The following NRG3 variants were observed in gnomAD, a reference collection of about 807,000 sequenced individuals.
The protein encoded by NRG3 is pro-neuregulin-3, membrane-bound isoform.
In NRG3, 31 loss-of-function variants were observed where a neutral mutation model predicts 66.9. The observed-to-expected ratio is 0.46, with a 90% CI of 0.35 to 0.63. NRG3 has a LOEUF of 0.63. NRG3 is among the 20% of genes least tolerant of loss of function. The probability of loss-of-function intolerance (pLI) is 0.00; values close to 1 mark genes in which losing one functional copy is unlikely to be tolerated. For missense variants in NRG3, 910 were observed against 878.9 expected, an observed-to-expected ratio of 1.04 and a Z score of -0.45; for synonymous variants, 393 against 359.4, an observed-to-expected ratio of 1.09 and a Z score of -1.06.
At chr10:82,530,429 T>C (rs927009617) in intron 2 of NRG3, among the ~76,000 whole-genome samples, 11 of 152,046 alleles carry the variant, frequency 7.2e-5, no homozygotes, top group Admixed American at 4.6e-4. Context: ...ATATATATTT[T>C]AGCCTGGTGG....
At chr10:82,308,731 C>A (rs1020150518) in intron 1 of NRG3, among the ~76,000 whole-genome samples, 3 of 152,078 alleles carry the variant, frequency 2.0e-5, no homozygotes, top group Non-Finnish European at 4.4e-5. Flanking sequence ...TCCACTTGCT[C>A]TGATTTTCTC....
At chr10:82,717,931 G>A (rs966932134) in intron 2 of NRG3, among the ~76,000 whole-genome samples, 1 of 150,908 alleles carries the variant, frequency 6.6e-6, no homozygotes, top group Non-Finnish European at 1.5e-5. Flanking sequence ...CACAAAACAA[G>A]CCCAAACTCA....
intron 2 of NRG3, among the ~76,000 whole-genome samples, chr10:82,481,665 A>G (rs1424765097): frequency 3.3e-5 from 5 of 152,232 alleles, no homozygotes; most frequent in Non-Finnish European, 7.3e-5. Context: ...TACTGTATGT[A>G]GTTGAAATTA....
chr10:82,544,056 G>A (rs1370068350), intron 2 of NRG3, among the ~76,000 whole-genome samples: 2 of 152,178 alleles, frequency 1.3e-5, no homozygotes, highest in African/African-American at 4.8e-5. Context: ...GACTATTTAA[G>A]AGACTCAGAG....
chr10:82,960,891 A>G (rs1195401386), intron 6 of NRG3, among the ~76,000 whole-genome samples: 3 of 151,770 alleles, frequency 2.0e-5, no homozygotes, highest in African/African-American at 7.3e-5. Flanking sequence ...CCCCACCCCT[A>G]TCTCCCTTCA....
At position 82,612,727 on chromosome 10, in the gene NRG3, T is replaced by C. The variant is rs564512790; in HGVS notation, c.954-125850T>C. Among the ~76,000 whole-genome samples, 157 of 152,326 alleles carry C rather than the reference T, an allele frequency of 1.0e-3. 3 individuals carry two copies. Among genetic ancestry groups the C allele is most frequent in the Middle Eastern group, 3.4e-3 (1 of 294 alleles). On this transcript the variant is annotated intron_variant, in intron 2 of 8. Transcript: ENST00000372141. ...CTTTAAACTTTCTTCTTAGATTTGC[T>C]ACAAGATTTTTACACTGTCATATTT... is the stretch of plus-strand genomic sequence containing the variant.
intron 1 of NRG3, among the ~76,000 whole-genome samples, chr10:82,073,423 T>A (rs1389919701): frequency 1.3e-5 from 2 of 152,158 alleles, no homozygotes; most frequent in African/African-American, 4.8e-5. Context: ...CTGTGAGATG[T>A]TCTTGCTGAT....
At chr10:82,474,112 C>T (rs557849790) in intron 2 of NRG3, among the ~76,000 whole-genome samples, 1 of 151,820 alleles carries the variant, frequency 6.6e-6, no homozygotes, top group East Asian at 1.9e-4. Context: ...TGAGTGAATG[C>T]CTTCTTCTGC....
intron 1 of NRG3, among the ~76,000 whole-genome samples, chr10:82,055,156 TAGAG>T (rs1489627296): frequency 6.6e-6 from 1 of 151,550 alleles, no homozygotes; most frequent in Non-Finnish European, 1.5e-5. Flanking sequence ...TAAAATGAAA[TAGAG>T]AGGTCATTGG....
At chr10:82,826,065 T>G (rs2062191813) in intron 3 of NRG3, among the ~76,000 whole-genome samples, 1 of 152,158 alleles carries the variant, frequency 6.6e-6, no homozygotes, top group Non-Finnish European at 1.5e-5. Context: ...GGAAAAAGTG[T>G]AAGAGATTAC....
intron 2 of NRG3, among the ~76,000 whole-genome samples, chr10:82,581,829 T>C (rs1390700431): frequency 6.6e-6 from 1 of 152,092 alleles, no homozygotes; most frequent in Non-Finnish European, 1.5e-5. Flanking sequence ...CTTGTTATCT[T>C]ATAGAAGTTT....
chr10:81,959,846 T>C (rs902276970), intron 1 of NRG3, among the ~76,000 whole-genome samples: 6 of 152,220 alleles, frequency 3.9e-5, no homozygotes, highest in African/African-American at 1.4e-4. Flanking sequence ...TACATGCATA[T>C]ATGGTGGATA....
chr10:82,323,495 T>A (rs911839394), intron 1 of NRG3, among the ~76,000 whole-genome samples: 3 of 152,144 alleles, frequency 2.0e-5, no homozygotes, highest in Non-Finnish European at 2.9e-5. Context: ...TATCCTTTTT[T>A]TTTTTTTTTG....
At chr10:81,985,915 T>C (rs551951771) in intron 1 of NRG3, among the ~76,000 whole-genome samples, 1 of 152,340 alleles carries the variant, frequency 6.6e-6, no homozygotes, top group Non-Finnish European at 1.5e-5. Context: ...TATCAGTCAT[T>C]TCACACTTTG....
intron 2 of NRG3, among the ~76,000 whole-genome samples, chr10:82,601,848 T>TA (rs1202584057): frequency 8.4e-4 from 117 of 139,916 alleles, no homozygotes; most frequent in African/African-American, 1.3e-3. Context: ...CCATCTCTGC[T>TA]AAAAAAAAAA....
intron 1 of NRG3, among the ~76,000 whole-genome samples, chr10:82,199,873 CATGTGTGTGTGTGTGCGTGTGTGT>C: frequency 9.1e-6 from 1 of 109,602 alleles, no homozygotes; most frequent in South Asian, 3.5e-4. Flanking sequence ...TGAGAGTGTG[CATGTGTGTGTGTGTGCGTGTGTGT>C]GTGTGTGTGT....
At chr10:82,921,643 AC>A (rs1488439193) in intron 4 of NRG3, among the ~76,000 whole-genome samples, 1 of 152,182 alleles carries the variant, frequency 6.6e-6, no homozygotes. Context: ...AAACATGTAA[AC>A]CATTATTTAT....
At chr10:82,318,582 G>GCCCTC (rs1291231578) in intron 1 of NRG3, among the ~76,000 whole-genome samples, 1 of 152,060 alleles carries the variant, frequency 6.6e-6, no homozygotes, top group African/African-American at 2.4e-5. Flanking sequence ...CTGTCTCGTG[G>GCCCTC]CCCTCCTCAT....
chr10:82,140,457 T>C (rs1343447673), intron 1 of NRG3, among the ~76,000 whole-genome samples: 1 of 152,242 alleles, frequency 6.6e-6, no homozygotes, highest in Admixed American at 6.5e-5. Flanking sequence ...AAATTGTCTT[T>C]AAAGTCACTG....
Sources: allele counts gnomAD v4.1 joint callset (sites outside exome capture counted in the v4.1 genomes callset), GRCh38; gene constraint gnomAD v4.1.1; transcripts MANE v1.5; gene names NCBI Gene and HGNC (gene_info 2026-07-23, HGNC 2026-07-21).